ADAP1: variants seen among roughly 807,000 people sequenced by gnomAD.
ADAP1 encodes ArfGAP with dual PH domains 1.
ADAP1 carries 31 observed loss-of-function variants against 54.9 expected under a neutral mutation model. That is an observed-to-expected ratio of 0.56 (90% CI 0.42 to 0.76). ADAP1 has a LOEUF of 0.76. Among genes scored for constraint, ADAP1 ranks in the 30% least tolerant of loss-of-function variants. The probability of loss-of-function intolerance (pLI) is 0.00; values close to 1 mark genes in which losing one functional copy is unlikely to be tolerated. For synonymous variants in ADAP1, 313 were observed against 202.6 expected (o/e 1.55, Z -4.63); for missense variants, 535 against 512.4 (o/e 1.04, Z -0.42).
intron 1 of ADAP1, among the ~76,000 whole-genome samples, chr7:942,047 G>A (rs1208129918): frequency 1.3e-5 from 2 of 152,206 alleles, no homozygotes; most frequent in Non-Finnish European, 2.9e-5. Flanking sequence ...TCTGGAGAGA[G>A]CGAACAATCT....
chr7:905,532 A>G (rs1169081035), intron 4 of ADAP1: 1 of 45,080 alleles, frequency 2.2e-5, no homozygotes, highest in Non-Finnish European at 4.4e-5. Context: ...GGGAGAAGGG[A>G]GAAGGGAGAA....
At chr7:910,184 A>G (rs1475750146) in intron 4 of ADAP1, among the ~76,000 whole-genome samples, 2 of 152,188 alleles carry the variant, frequency 1.3e-5, no homozygotes, top group Admixed American at 1.3e-4. Context: ...ACCACAGTGA[A>G]GCGCGCACAT....
chr7:943,221 A>AGAGAGAGGAGGAGGAAGG (rs1847021973), intron 1 of ADAP1, among the ~76,000 whole-genome samples: 3 of 25,516 alleles, frequency 1.2e-4, no homozygotes, highest in African/African-American at 6.7e-4. Flanking sequence ...GAGGAGGAAG[A>AGAGAGAGGAGGAGGAAGG]GAGAGGAGGA....
chr7:949,176 G>C (rs187324002), intron 1 of ADAP1, among the ~76,000 whole-genome samples: 1 of 152,332 alleles, frequency 6.6e-6, no homozygotes, highest in South Asian at 2.1e-4. Context: ...TGTACGGAGC[G>C]GGGGAAGGCG....
chr7:898,926 G>A lies in ADAP1; in HGVS notation c.1120C>T (p.Pro374Ser). ...YAVEAHFKHK[P>S] Reference sequence around the variant, plus strand: ...TGGTCCTCCAGCCGCACTCGCTAAGGTTTATGCTTGAAGTGCGCCTCCACT... The same window carrying A: ...TGGTCCTCCAGCCGCACTCGCTAAGATTTATGCTTGAAGTGCGCCTCCACT... The change falls in exon 11 of 11, where the codon CCT becomes TCT. Residue 374 changes from proline (P) to serine (S), a missense_variant. By Grantham distance (74) the Pro-to-Ser change is moderately conservative. Transcript: ENST00000265846. 6.2e-7 allele frequency: 1 copy of A among 1,607,444 alleles called. No homozygotes were observed. The highest frequency in any genetic ancestry group is 1.1e-5 in the South Asian group (1 of 90,314).
rs1051407929 is a variant in ADAP1, at chr7:946,148, C to G, written c.82+8248G>C. ...GCATGGCTGTCCCCCAGGCACACAGCGCCCCACTCCACGCCGGGACCCAGG... is the reference window on the plus strand; with the variant it reads ...GCATGGCTGTCCCCCAGGCACACAGGGCCCCACTCCACGCCGGGACCCAGG... On this transcript the variant is annotated intron_variant, in intron 1 of 10. Transcript: ENST00000265846. This position sits in a 1 kb window ranked among gnomAD's most constrained non-coding sequence, Gnocchi z 4.3. Among the ~76,000 whole-genome samples the G allele has an allele frequency of 6.6e-6, 1 of 152,224 alleles. No individual in the cohort carries two copies. The highest frequency in any genetic ancestry group is 6.5e-5 in the Admixed American group (1 of 15,290).
At chr7:950,035 A>C (rs2128112973) in intron 1 of ADAP1, among the ~76,000 whole-genome samples, 1 of 152,368 alleles carries the variant, frequency 6.6e-6, no homozygotes, top group South Asian at 2.1e-4. Flanking sequence ...CAGAGGTGGG[A>C]GCAGCCCAGT....
intron 3 of ADAP1, among the ~76,000 whole-genome samples, chr7:925,572 C>G (rs993770665): frequency 1.3e-5 from 2 of 151,998 alleles, no homozygotes; most frequent in Admixed American, 1.3e-4. Context: ...GGGGCACAGA[C>G]CCCAAACAGG....
At chr7:930,979 C>CAAA (rs545321889) in intron 2 of ADAP1, among the ~76,000 whole-genome samples, 2 of 83,350 alleles carry the variant, frequency 2.4e-5, no homozygotes, top group East Asian at 3.6e-4. Context: ...GACTGTGTCT[C>CAAA]AAAAAAAAAA....
intron 2 of ADAP1, among the ~76,000 whole-genome samples, chr7:929,927 AC>A (rs528664412): frequency 6.6e-6 from 1 of 151,410 alleles, no homozygotes; most frequent in Admixed American, 6.6e-5. Context: ...ACATAGTGAG[AC>A]CCCCGTCTCT....
At chr7:904,613 C>G (rs758881226) in intron 5 of ADAP1, among the ~76,000 whole-genome samples, 1 of 152,214 alleles carries the variant, frequency 6.6e-6, no homozygotes, top group Non-Finnish European at 1.5e-5. Flanking sequence ...GTGCCCGCCA[C>G]GGCTCAGGGC....
At chr7:905,417 A>AG (rs1359012096) in intron 4 of ADAP1, 1 of 127,476 alleles carries the variant, frequency 7.8e-6, no homozygotes, top group Non-Finnish European at 1.3e-5. Flanking sequence ...GAAAGGGAGA[A>AG]AGAGAAAGGA....
intron 1 of ADAP1, among the ~76,000 whole-genome samples, chr7:953,786 G>C (rs1231750392): frequency 1.3e-5 from 2 of 152,214 alleles, no homozygotes; most frequent in Admixed American, 6.5e-5. Flanking sequence ...ATGCCCGGCC[G>C]GGAGAACGAA....
At chr7:944,694 C>T (rs1263787959) in intron 1 of ADAP1, among the ~76,000 whole-genome samples, 4 of 152,186 alleles carry the variant, frequency 2.6e-5, no homozygotes, top group African/African-American at 7.2e-5. Flanking sequence ...TCACCTCAAG[C>T]GTGTATCATT....
chr7:919,670 CAGAA>C (rs769199853), intron 4 of ADAP1, among the ~76,000 whole-genome samples: 1 of 83,954 alleles, frequency 1.2e-5, no homozygotes, highest in Non-Finnish European at 2.2e-5. Context: ...TAAAGAGAGA[CAGAA>C]GGAGGGAGAG....
chr7:906,450 GAGAAAGGGAAAGGA>G (rs1845342830), intron 4 of ADAP1, among the ~76,000 whole-genome samples: 3 of 140,570 alleles, frequency 2.1e-5, no homozygotes, highest in Admixed American at 7.2e-5. Flanking sequence ...AAGGAGAAAG[GAGAAAGGGAAAGGA>G]GAAAGGAGAA....
At chr7:902,246 G>A (rs1844854011) in intron 6 of ADAP1, among the ~76,000 whole-genome samples, 1 of 149,788 alleles carries the variant, frequency 6.7e-6, no homozygotes, top group Admixed American at 6.6e-5. Context: ...ATCACCTGAG[G>A]TCGGGAGCTC....
chr7:927,223 C>A, intron 2 of ADAP1: 1 of 1,271,466 alleles, frequency 7.9e-7, no homozygotes, highest in Non-Finnish European at 1.0e-6. Context: ...GAAACGGCGC[C>A]GTGAAGGAGG....
intron 3 of ADAP1, chr7:923,102 C>CA (rs1846248998): frequency 6.6e-6 from 1 of 152,124 alleles, no homozygotes; most frequent in South Asian, 2.1e-4. Context: ...TGTGAGGAAG[C>CA]ACCCCGGAGA....
Sources: gnomAD v4.1 joint callset for allele counts (sites outside exome capture counted in the v4.1 genomes callset) on GRCh38, gnomAD v4.1.1 for gene constraint, Gnocchi (gnomAD v3.1) non-coding constraint, MANE v1.5 for transcripts, NCBI Gene and HGNC (gene_info 2026-07-23, HGNC 2026-07-21) for gene names.